Variants in CACNA2D3 observed in about 807,000 individuals in gnomAD.
The protein encoded by CACNA2D3 is calcium voltage-gated channel auxiliary subunit alpha2delta 3.
Under a neutral mutation model 160.6 loss-of-function variants are expected in CACNA2D3, and 60 were observed. That is an observed-to-expected ratio of 0.37 (90% CI 0.30 to 0.46). The LOEUF is 0.46. Ranked by LOEUF, CACNA2D3 falls within the 20% of genes least tolerant of loss-of-function variation. CACNA2D3 has a pLI of 1.00. For missense variants in CACNA2D3, 1,205 were observed against 1,365.0 expected, an observed-to-expected ratio of 0.88 and a Z score of 1.85; for synonymous variants, 558 against 492.9, an observed-to-expected ratio of 1.13 and a Z score of -1.75.
In CACNA2D3 at chr3:54,386,712, T is replaced by TTTTTTTTG; in HGVS notation, c.322-3_322-2insTTTTTTTG. On this transcript the variant is annotated splice_region_variant and splice_polypyrimidine_tract_variant and intron_variant, in intron 3 of 37. Coordinates refer to ENST00000474759, the MANE Select transcript of CACNA2D3 (RefSeq NM_018398.3). ...GTCTTCTGTTTTTTTTTTTTTTTTTTAGCGTCTGGTGGAGGCTGCAGAAGA... is the reference window on the plus strand; with the variant it reads ...GTCTTCTGTTTTTTTTTTTTTTTTTTTTTTTTTGAGCGTCTGGTGGAGGCTGCAGAAGA... 6.5e-7 allele frequency: 1 copy of TTTTTTTTG among 1,540,324 alleles called. No homozygotes were observed. The highest frequency in any genetic ancestry group is 8.7e-7 in the Non-Finnish European group (1 of 1,148,146).
At chr3:54,773,626 C>T (rs1342567896) in intron 13 of CACNA2D3, among the ~76,000 whole-genome samples, 2 of 152,210 alleles carry the variant, frequency 1.3e-5, no homozygotes, top group South Asian at 2.1e-4. Context: ...AACTCTGGCA[C>T]AGACTATAAA....
At chr3:54,127,594 G>A (rs1699620585) in intron 2 of CACNA2D3, among the ~76,000 whole-genome samples, 1 of 152,150 alleles carries the variant, frequency 6.6e-6, no homozygotes, top group Non-Finnish European at 1.5e-5. Context: ...ATTTTGTGTT[G>A]AATAAACACA....
chr3:54,327,439 C>A (rs1704142143), intron 3 of CACNA2D3, among the ~76,000 whole-genome samples: 1 of 152,182 alleles, frequency 6.6e-6, no homozygotes, highest in African/African-American at 2.4e-5. Flanking sequence ...GGGTGTTGGC[C>A]TGTAGAAAGC....
chr3:54,284,227 C>G (rs1023338334), intron 2 of CACNA2D3, among the ~76,000 whole-genome samples: 1 of 151,606 alleles, frequency 6.6e-6, no homozygotes, highest in Non-Finnish European at 1.5e-5. Flanking sequence ...TGTAACAAAC[C>G]TGCAAATTGT....
intron 35 of CACNA2D3, among the ~76,000 whole-genome samples, chr3:55,072,486 C>T (rs1011520224): frequency 1.3e-5 from 2 of 152,116 alleles, no homozygotes; most frequent in East Asian, 1.9e-4. Context: ...AAGAATGGAA[C>T]AAATTTATTG....
chr3:54,658,394 T>C (rs1205139605), intron 11 of CACNA2D3, among the ~76,000 whole-genome samples: 2 of 152,222 alleles, frequency 1.3e-5, no homozygotes, highest in Non-Finnish European at 2.9e-5. Context: ...TGGTATCTCA[T>C]TGTGGTTTTG....
intron 4 of CACNA2D3, among the ~76,000 whole-genome samples, chr3:54,474,063 A>T (rs1179240859): frequency 2.0e-5 from 3 of 152,186 alleles, no homozygotes; most frequent in East Asian, 3.8e-4. Flanking sequence ...TACCCAAAGG[A>T]TTATGAATCA....
At chr3:54,998,817 G>A (rs1052916496) in intron 31 of CACNA2D3, among the ~76,000 whole-genome samples, 1 of 152,118 alleles carries the variant, frequency 6.6e-6, no homozygotes, top group African/African-American at 2.4e-5. Flanking sequence ...CGTGGTCTCA[G>A]CTCACTGAAA....
intron 14 of CACNA2D3, among the ~76,000 whole-genome samples, chr3:54,825,171 A>G (rs1703725323): frequency 6.6e-6 from 1 of 152,224 alleles, no homozygotes; most frequent in African/African-American, 2.4e-5. Flanking sequence ...TTGAATGTTA[A>G]GGAAACATCT....
chr3:54,489,588 T>C (rs974767744), intron 4 of CACNA2D3, among the ~76,000 whole-genome samples: 1 of 152,218 alleles, frequency 6.6e-6, no homozygotes, highest in Non-Finnish European at 1.5e-5. Context: ...ATAAACTCAT[T>C]TTATAGATGC....
At chr3:54,323,922 G>T (rs1453473479) in intron 3 of CACNA2D3, among the ~76,000 whole-genome samples, 2 of 152,160 alleles carry the variant, frequency 1.3e-5, no homozygotes, top group East Asian at 1.9e-4. Flanking sequence ...GCCCTACCTT[G>T]TGTTTTCCTA....
At chr3:54,426,239 C>T (rs762435849) in intron 4 of CACNA2D3, among the ~76,000 whole-genome samples, 3 of 152,158 alleles carry the variant, frequency 2.0e-5, no homozygotes, top group Non-Finnish European at 4.4e-5. Flanking sequence ...GCAAAGTTTA[C>T]TTCAGGCACC....
At chr3:54,991,635 C>T (rs1444777088) in intron 31 of CACNA2D3, among the ~76,000 whole-genome samples, 2 of 148,136 alleles carry the variant, frequency 1.4e-5, no homozygotes, top group African/African-American at 5.3e-5. Flanking sequence ...GGAGAAAATA[C>T]AGCCTGTCAT....
intron 12 of CACNA2D3, among the ~76,000 whole-genome samples, chr3:54,759,565 T>C (rs1435711595): frequency 6.6e-6 from 1 of 152,210 alleles, no homozygotes; most frequent in Non-Finnish European, 1.5e-5. Flanking sequence ...TACATTGTTA[T>C]TGTCAATATT....
intron 35 of CACNA2D3, among the ~76,000 whole-genome samples, chr3:55,057,361 A>G (rs1377976075): frequency 6.6e-6 from 1 of 152,232 alleles, no homozygotes; most frequent in African/African-American, 2.4e-5. Context: ...TGCCCCATGA[A>G]TATATACCAG....
chr3:54,156,591 C>T (rs1302032691), intron 2 of CACNA2D3, among the ~76,000 whole-genome samples: 1 of 152,208 alleles, frequency 6.6e-6, no homozygotes, highest in African/African-American at 2.4e-5. Flanking sequence ...TGTTCTCTGC[C>T]ACTCTGAAGC....
rs80158374 is a variant in CACNA2D3 at position 54,837,124 on chromosome 3, C to T, written c.1399-35C>T. On this transcript the variant is annotated intron_variant, in intron 14 of 37. Transcript: ENST00000474759. ...GCCTCCAGAACTGTGGTTTCCAGAC[C>T]GTTCCCCGGTAACTGGCTTTTCTCT... is the stretch of plus-strand genomic sequence containing the variant. 9.3e-4 allele frequency: 1,494 copies of T among 1,601,330 alleles called. 14 individuals carry two copies. In the African/African-American group the frequency reaches 0.016, roughly 17 times the overall value.
intron 27 of CACNA2D3, among the ~76,000 whole-genome samples, chr3:54,905,955 G>T (rs185707410): frequency 2.0e-5 from 3 of 152,074 alleles, no homozygotes; most frequent in Non-Finnish European, 2.9e-5. Context: ...TGTTCCTAGC[G>T]CTGGGGATAC....
chr3:54,743,618 A>G (rs901055154), intron 11 of CACNA2D3, among the ~76,000 whole-genome samples: 11 of 152,320 alleles, frequency 7.2e-5, no homozygotes, highest in Non-Finnish European at 1.3e-4. Context: ...CCCCTTTGAC[A>G]TAAGTCAATT....
Sources: allele counts gnomAD v4.1 joint callset (sites outside exome capture counted in the v4.1 genomes callset), GRCh38; gene constraint gnomAD v4.1.1; transcripts MANE v1.5; gene names NCBI Gene and HGNC (gene_info 2026-07-23, HGNC 2026-07-21).